Variants in CNTN4 observed in about 807,000 individuals in gnomAD.
CNTN4 encodes contactin 4.
A neutral mutation model predicts 122.5 loss-of-function variants in CNTN4; 77 were observed. That is an observed-to-expected ratio of 0.63 (90% CI 0.52 to 0.76). The LOEUF (loss-of-function observed/expected upper bound fraction) is 0.76, where lower values mean the gene tolerates loss of function less well. Among genes scored for constraint, CNTN4 ranks in the 30% least tolerant of loss-of-function variants. The probability of loss-of-function intolerance (pLI) is 0.00; values close to 1 mark genes in which losing one functional copy is unlikely to be tolerated. For missense variants in CNTN4, 1,256 were observed against 1,259.1 expected (o/e 1.00, Z 0.04); for synonymous variants, 512 against 447.0 (o/e 1.15, Z -1.83).
intron 2 of CNTN4, among the ~76,000 whole-genome samples, chr3:2,194,114 A>G (rs533307032): frequency 6.6e-6 from 1 of 152,318 alleles, no homozygotes; most frequent in East Asian, 1.9e-4. Flanking sequence ...TATAAGGTTC[A>G]TCATCATGTT....
At chr3:2,979,498 C>T (rs950928310) in intron 13 of CNTN4, among the ~76,000 whole-genome samples, 1 of 152,102 alleles carries the variant, frequency 6.6e-6, no homozygotes. Context: ...GGAGTTTAGC[C>T]TCCCTCGTAA....
chr3:2,195,459 A>T (rs2037789961), intron 2 of CNTN4, among the ~76,000 whole-genome samples: 1 of 152,178 alleles, frequency 6.6e-6, no homozygotes, highest in South Asian at 2.1e-4. Flanking sequence ...ATATTCCTGG[A>T]TAATATGGCA....
At chr3:2,622,078 T>C (rs2082011296) in intron 4 of CNTN4, among the ~76,000 whole-genome samples, 1 of 152,212 alleles carries the variant, frequency 6.6e-6, no homozygotes, top group African/African-American at 2.4e-5. Flanking sequence ...CTGTTTTAAA[T>C]GTTGGAAAAC....
intron 3 of CNTN4, among the ~76,000 whole-genome samples, chr3:2,539,672 C>A (rs962739773): frequency 1.3e-5 from 2 of 152,054 alleles, no homozygotes; most frequent in East Asian, 1.9e-4. Flanking sequence ...AATTTGATTT[C>A]TTTTTATCTT....
intron 2 of CNTN4, among the ~76,000 whole-genome samples, chr3:2,192,330 GTTT>G: frequency 6.6e-6 from 1 of 152,004 alleles, no homozygotes. Context: ...GGTTGAACTA[GTTT>G]ACAGTCCCAC....
intron 2 of CNTN4, among the ~76,000 whole-genome samples, chr3:2,232,296 G>A (rs1481724995): frequency 1.3e-5 from 2 of 152,096 alleles, no homozygotes; most frequent in African/African-American, 4.8e-5. Context: ...ACAGGGCCAT[G>A]TAAAACATTC....
intron 4 of CNTN4, among the ~76,000 whole-genome samples, chr3:2,697,095 G>C (rs1413447729): frequency 2.6e-5 from 4 of 152,144 alleles, no homozygotes; most frequent in African/African-American, 9.6e-5. Flanking sequence ...TTAAGAAGAA[G>C]GGTGACAAAT....
chr3:2,444,815 T>C (rs1226336724), intron 3 of CNTN4, among the ~76,000 whole-genome samples: 4 of 152,034 alleles, frequency 2.6e-5, no homozygotes, highest in South Asian at 2.1e-4. Flanking sequence ...CTTATGTGGT[T>C]TTATTAAAAA....
intron 15 of CNTN4, among the ~76,000 whole-genome samples, chr3:3,028,680 C>T (rs1698930364): frequency 1.3e-5 from 2 of 152,174 alleles, no homozygotes; most frequent in Admixed American, 6.5e-5. Context: ...AACCTGTATT[C>T]GAAGTCCCCA....
At chr3:2,860,381 G>C (rs1173171087) in intron 7 of CNTN4, among the ~76,000 whole-genome samples, 1 of 152,126 alleles carries the variant, frequency 6.6e-6, no homozygotes, top group Non-Finnish European at 1.5e-5. Flanking sequence ...TGTCATCCCT[G>C]CTCTACTCAG....
chr3:2,943,630 A>ATTTT (rs367606924), intron 13 of CNTN4, among the ~76,000 whole-genome samples: 1,318 of 128,146 alleles, frequency 0.01, 16 homozygotes, highest in African/African-American at 0.028. Flanking sequence ...ATATATATAT[A>ATTTT]TTTTTTTTTT....
At chr3:2,704,089 G>C (rs950061948) in intron 4 of CNTN4, among the ~76,000 whole-genome samples, 6 of 151,678 alleles carry the variant, frequency 4.0e-5, no homozygotes, top group Non-Finnish European at 7.4e-5. Flanking sequence ...TTGAGGTCAG[G>C]AGTTCAAGAT....
At chr3:2,357,684 T>G (rs550680761) in intron 3 of CNTN4, among the ~76,000 whole-genome samples, 2 of 152,192 alleles carry the variant, frequency 1.3e-5, no homozygotes, top group East Asian at 1.9e-4. Flanking sequence ...GAATAAAACT[T>G]AGATTTATTA....
At chr3:2,607,725 C>T (rs2081319664) in intron 4 of CNTN4, among the ~76,000 whole-genome samples, 1 of 150,024 alleles carries the variant, frequency 6.7e-6, no homozygotes, top group South Asian at 2.1e-4. Flanking sequence ...AAAGGAGGAC[C>T]TAGTTGAATC....
chr3:2,101,755 A>C (rs1336905247), intron 2 of CNTN4, among the ~76,000 whole-genome samples: 1 of 150,262 alleles, frequency 6.7e-6, no homozygotes, highest in African/African-American at 2.5e-5. Context: ...TACTTATAAA[A>C]CACACAAAGA....
intron 14 of CNTN4, among the ~76,000 whole-genome samples, chr3:3,003,804 C>A (rs967063733): frequency 4.0e-5 from 6 of 151,162 alleles, no homozygotes; most frequent in Non-Finnish European, 5.9e-5. Flanking sequence ...GGCTGGAGTG[C>A]AGTAGCATGA....
At chr3:2,666,316 C>T (rs1050792171) in intron 4 of CNTN4, among the ~76,000 whole-genome samples, 43 of 152,014 alleles carry the variant, frequency 2.8e-4, no homozygotes, top group African/African-American at 1.0e-3. Context: ...TGTAGAATAG[C>T]TTAAGTCTTC....
intron 4 of CNTN4, among the ~76,000 whole-genome samples, chr3:2,615,891 G>C (rs1180212299): frequency 6.6e-6 from 1 of 151,994 alleles, no homozygotes; most frequent in Non-Finnish European, 1.5e-5. Context: ...TCAAAAACAG[G>C]ATTCTAAATG....
intron 4 of CNTN4, among the ~76,000 whole-genome samples, chr3:2,624,439 A>C (rs1021407811): frequency 5.3e-5 from 8 of 152,032 alleles, no homozygotes; most frequent in African/African-American, 1.9e-4. Flanking sequence ...CCATGAATAA[A>C]AATTAATTTG....
Sources: allele counts gnomAD v4.1 joint callset (sites outside exome capture counted in the v4.1 genomes callset), GRCh38; gene constraint gnomAD v4.1.1; transcripts MANE v1.5; gene names NCBI Gene and HGNC (gene_info 2026-07-23, HGNC 2026-07-21).